Variants in ADNP2 observed in about 807,000 individuals in gnomAD.
ADNP2 encodes ADNP homeobox 2.
Under a neutral mutation model 16.4 loss-of-function variants are expected in ADNP2, and 8 were observed. The observed-to-expected ratio is 0.49, with a 90% CI of 0.29 to 0.88. The LOEUF (loss-of-function observed/expected upper bound fraction) is 0.88, where lower values mean the gene tolerates loss of function less well. Ranked by LOEUF, ADNP2 falls within the 40% of genes least tolerant of loss-of-function variation. The pLI is 0.09. For missense variants in ADNP2, 1,397 were observed against 1,395.1 expected (o/e 1.00, Z -0.02); for synonymous variants, 637 against 545.8 (o/e 1.17, Z -2.33).
In ADNP2 at chr18:80,137,280, A is replaced by T; in HGVS notation, c.1867A>T (p.Thr623Ser). 6.2e-7 allele frequency: 1 copy of T among 1,613,946 alleles called. No individual in the cohort carries two copies. The highest frequency in any genetic ancestry group is 8.5e-7 in the Non-Finnish European group (1 of 1,180,002). ...CTACACGCTGGCCCCCGTGTCTGTCACTCTGCCGGTTCCCCCTGGAGGCCT... is the reference window on the plus strand; with the variant it reads ...CTACACGCTGGCCCCCGTGTCTGTCTCTCTGCCGGTTCCCCCTGGAGGCCT... ...PTYTLAPVSV[T>S]LPVPPGGLAT... Residue 623 changes from threonine to serine, a missense_variant, in exon 4 of 4, where the codon ACT (threonine) becomes TCT (serine). By Grantham distance (58) the Thr-to-Ser change is moderately conservative. This residue lies in a region of ADNP2 where 611 missense variants were observed against 648.7 expected (regional missense o/e 0.94). Coordinates refer to ENST00000262198, the MANE Select transcript of ADNP2 (RefSeq NM_014913.4). The surrounding 1 kb of genome is among the most constrained non-coding windows in gnomAD (Gnocchi z 4.2).
At position 80,137,439 on chromosome 18, in the gene ADNP2, GCCT is replaced by G. The variant is rs780382375; in HGVS notation, c.2034_2036del (p.Ser679del). The G allele has an allele frequency of 1.2e-5, 19 of 1,614,050 alleles. No individual in the cohort carries two copies. In the Middle Eastern group the frequency reaches 4.9e-4, roughly 42 times the overall value. On this transcript the variant is annotated inframe_deletion, in exon 4 of 4. Transcript: ENST00000262198. This position sits in a 1 kb window ranked among gnomAD's most constrained non-coding sequence, Gnocchi z 4.2. ...TGCTGCTCAGAGCGTGTTTGTTCAG[GCCT>G]CCTCCTCTGCAGCAGACACAAACCA...
chr18:80,119,059 T>C (rs2052407416), intron 2 of ADNP2, among the ~76,000 whole-genome samples: 1 of 152,208 alleles, frequency 6.6e-6, no homozygotes, highest in African/African-American at 2.4e-5. Flanking sequence ...ATTAACGTTG[T>C]TATATATCTA....
intron 1 of ADNP2, among the ~76,000 whole-genome samples, chr18:80,110,783 T>G (rs2052352420): frequency 1.3e-5 from 2 of 152,124 alleles, no homozygotes; most frequent in South Asian, 4.1e-4. Context: ...TCCTTAAACA[T>G]GAAGTGACAG....
chr18:80,119,054 CG>C lies in ADNP2; in HGVS notation c.108+1405del, dbSNP rs1380354974. 7.9e-5 allele frequency among the ~76,000 whole-genome samples: 12 copies of C among 152,206 alleles called. No homozygotes were observed. In the East Asian group the frequency reaches 2.3e-3, roughly 29 times the overall value. ...ATTACCCTGAAATATCCAGAATTAA[CG>C]TTGTTATATATCTATAGATTTTTAA... is the stretch of plus-strand genomic sequence containing the variant. On this transcript the variant is annotated intron_variant, in intron 2 of 3. Transcript: ENST00000262198.
In ADNP2 at chr18:80,129,680, A is replaced by G. The variant is rs115434974; in HGVS notation, c.109-3423A>G. On this transcript the variant is annotated intron_variant, in intron 2 of 3. Transcript: ENST00000262198. ...TGGGCTAGAATATATATGATGTTCT[A>G]TGCTTCTTGTGTCACTTCAGGGACC... Among the ~76,000 whole-genome samples, 374 of 152,318 alleles carry G rather than the reference A, an allele frequency of 2.5e-3. 2 individuals carry two copies. The highest frequency in any genetic ancestry group is 8.6e-3 in the African/African-American group (357 of 41,566).
In ADNP2 at chr18:80,136,939, T is replaced by C. The variant is rs897103151; in HGVS notation, c.1526T>C (p.Ile509Thr). ...GGCCAGACAGCCCCATTGAGGGTTA[T>C]CTCTGCAGGCCAGGTGGTCCCGTCT... ...PPGQTAPLRV[I>T]SAGQVVPSGL... The change falls in exon 4 of 4, where the codon ATC becomes ACC. Residue 509 changes from isoleucine (I) to threonine (T), a missense_variant. Ile to Thr is a moderately conservative substitution (Grantham distance 89, BLOSUM62 -1). Transcript: ENST00000262198. 6.2e-7 allele frequency: 1 copy of C among 1,613,900 alleles called. No homozygotes were observed. Among genetic ancestry groups the C allele is most frequent in the Non-Finnish European group, 8.5e-7 (1 of 1,179,830 alleles).
chr18:80,136,461 C>T lies in ADNP2; in HGVS notation c.1048C>T (p.Pro350Ser). ...CCAGAACAGCCTCACCCTGCAGCCCCCAGCACCTCAGCCCGTCTTTCTTTC... is the reference window on the plus strand; with the variant it reads ...CCAGAACAGCCTCACCCTGCAGCCCTCAGCACCTCAGCCCGTCTTTCTTTC... ...VGQNSLTLQP[P>S]APQPVFLSHG... Residue 350 changes from proline (P) to serine (S), a missense_variant, in exon 4 of 4, where the codon CCA becomes TCA. This residue lies in a region of ADNP2 where 777 missense variants were observed against 719.4 expected (regional missense o/e 1.08). Coordinates refer to ENST00000262198, the MANE Select transcript of ADNP2 (RefSeq NM_014913.4). The T allele has an allele frequency of 6.2e-7, 1 of 1,614,244 alleles. No individual in the cohort carries two copies. Among genetic ancestry groups the T allele is most frequent in the Non-Finnish European group, 8.5e-7 (1 of 1,180,050 alleles).
In ADNP2 at chr18:80,136,023, G is replaced by A; in HGVS notation, c.610G>A (p.Val204Ile). Reference protein sequence around the residue: ...MGEQPKTNDTVSIEKIPPPDK... With the variant: ...MGEQPKTNDTISIEKIPPPDK... ...TGAGCAACCGAAAACTAACGATACTGTTTCTATAGAGAAGATCCCACCACC... is the reference window on the plus strand; with the variant it reads ...TGAGCAACCGAAAACTAACGATACTATTTCTATAGAGAAGATCCCACCACC... Residue 204 changes from valine to isoleucine, a missense_variant, in exon 4 of 4, where the codon GTT (valine) becomes ATT (isoleucine). Val to Ile is a conservative substitution (Grantham distance 29, BLOSUM62 3). Coordinates refer to ENST00000262198, the MANE Select transcript of ADNP2 (RefSeq NM_014913.4). 6.2e-7 allele frequency: 1 copy of A among 1,614,208 alleles called. No homozygotes were observed. Among genetic ancestry groups the A allele is most frequent in the Non-Finnish European group, 8.5e-7 (1 of 1,180,036 alleles).
rs560749072 is a variant in ADNP2 at position 80,136,810 on chromosome 18, T to C, written c.1397T>C (p.Ile466Thr). 5 of 1,613,996 alleles carry C rather than the reference T, an allele frequency of 3.1e-6. No homozygotes were observed. The highest frequency in any genetic ancestry group is 1.1e-5 in the South Asian group (1 of 91,074). ...GGCCAGATGACTCCTGCAGGGGTTA[T>C]CCCTGGGCAAACAGCAACTTCTGGG... ...PAGQMTPAGVIPGQTATSGVL... is the reference protein window; with the variant it reads ...PAGQMTPAGVTPGQTATSGVL... The change falls in exon 4 of 4, where the codon ATC becomes ACC. Residue 466 changes from isoleucine (I) to threonine (T), a missense_variant. Physicochemically the swap from Ile to Thr is moderately conservative, Grantham distance 89. Coordinates refer to ENST00000262198, the MANE Select transcript of ADNP2 (RefSeq NM_014913.4).
At chr18:80,129,598 GCTT>G (rs2052483295) in intron 2 of ADNP2, among the ~76,000 whole-genome samples, 1 of 152,106 alleles carries the variant, frequency 6.6e-6, no homozygotes, top group Admixed American at 6.5e-5. Context: ...TGTCCCCTGA[GCTT>G]CTTTTAAATG....
chr18:80,117,775 C>T, intron 2 of ADNP2, 125 bp downstream of exon 2: 1 of 657,768 alleles, frequency 1.5e-6, no homozygotes, highest in South Asian at 1.9e-5. Flanking sequence ...GTGAAAGCCT[C>T]ATTAGTACTT....
rs767063091 is a variant in ADNP2, at chr18:80,138,483, A to C, written c.3070A>C (p.Ser1024Arg). 1.9e-6 allele frequency: 3 copies of C among 1,614,060 alleles called. No homozygotes were observed. In the African/African-American group the frequency reaches 4.0e-5, roughly 22 times the overall value. ...GCCTTTTAAAAGACAAAGGAATGAA[A>C]GCAGAACAGAGGGACCTATTGTCAA... ...VVPFKRQRNESRTEGPIVKDE... is the reference protein window; with the variant it reads ...VVPFKRQRNERRTEGPIVKDE... Residue 1024 changes from serine to arginine, a missense_variant, in exon 4 of 4, where the codon AGC becomes CGC. By Grantham distance (110) the Ser-to-Arg change is moderately radical. Around this residue, in one of 3 missense-constraint regions of ADNP2, gnomAD observed 611 missense variants for 648.7 expected, o/e 0.94. Transcript: ENST00000262198.
chr18:80,127,339 GTTTTTT>G (rs35560770), intron 2 of ADNP2, among the ~76,000 whole-genome samples: 5 of 102,180 alleles, frequency 4.9e-5, no homozygotes, highest in South Asian at 3.5e-4. Flanking sequence ...GGTTTTTTCA[GTTTTTT>G]TTTTTTTTTT....
At chr18:80,124,554 A>C (rs1436801397) in intron 2 of ADNP2, among the ~76,000 whole-genome samples, 1 of 152,234 alleles carries the variant, frequency 6.6e-6, no homozygotes, top group Non-Finnish European at 1.5e-5. Context: ...TCAACCCTCC[A>C]GGAACCTCCA....
chr18:80,116,307 G>A (rs1423110902), intron 1 of ADNP2, among the ~76,000 whole-genome samples: 1 of 152,158 alleles, frequency 6.6e-6, no homozygotes, highest in Admixed American at 6.5e-5. Flanking sequence ...CATTTGGTTT[G>A]TTTACACATT....
At position 80,136,497 on chromosome 18, in the gene ADNP2, C is replaced by A. The variant is rs767209537; in HGVS notation, c.1084C>A (p.Pro362Thr). Residue 362 changes from proline (P) to threonine (T), a missense_variant, in exon 4 of 4, where the codon CCA becomes ACA. Physicochemically the swap from Pro to Thr is conservative, Grantham distance 38. Coordinates refer to ENST00000262198, the MANE Select transcript of ADNP2 (RefSeq NM_014913.4). Reference protein sequence around the residue: ...PQPVFLSHGVPLHQSVNPPVL... With the variant: ...PQPVFLSHGVTLHQSVNPPVL... Reference sequence around the variant, plus strand: ...GCCCGTCTTTCTTTCTCACGGGGTTCCACTTCATCAGTCTGTGAATCCTCC... The same window carrying A: ...GCCCGTCTTTCTTTCTCACGGGGTTACACTTCATCAGTCTGTGAATCCTCC... 1.2e-5 allele frequency: 19 copies of A among 1,614,064 alleles called. No homozygotes were observed. The highest frequency in any genetic ancestry group is 8.5e-7 in the Non-Finnish European group (1 of 1,180,044).
At chr18:80,113,766 G>A (rs914404775) in intron 1 of ADNP2, among the ~76,000 whole-genome samples, 2 of 152,198 alleles carry the variant, frequency 1.3e-5, no homozygotes, top group Non-Finnish European at 2.9e-5. Context: ...GCAACATGGT[G>A]AGTCGAGTGC....
chr18:80,110,686 T>C (rs2052351838), intron 1 of ADNP2, among the ~76,000 whole-genome samples: 1 of 151,940 alleles, frequency 6.6e-6, no homozygotes, highest in African/African-American at 2.4e-5. Flanking sequence ...TCTTGGAGAG[T>C]TGGCCATGTA....
rs1452925933 is a variant in ADNP2, at chr18:80,136,161, G to A, written c.748G>A (p.Val250Met). The change falls in exon 4 of 4, where the codon GTG (valine) becomes ATG (methionine). Residue 250 changes from valine to methionine, a missense_variant. Transcript: ENST00000262198. ...AGATTTGGAGAATAAGCTTAGATCT[G>A]TGATTTCAGAACATATTAAGAGGAC... ...HRDLENKLRS[V>M]ISEHIKRTGL... 5 of 1,614,136 alleles carry A rather than the reference G, an allele frequency of 3.1e-6. No individual in the cohort carries two copies. In the Admixed American group the frequency reaches 5.0e-5, roughly 16 times the overall value.
Sources: allele counts gnomAD v4.1 joint callset (sites outside exome capture counted in the v4.1 genomes callset), GRCh38; gene constraint gnomAD v4.1.1; regional missense constraint gnomAD v4.1.1; non-coding constraint Gnocchi (gnomAD v3.1); transcripts MANE v1.5; gene names NCBI Gene and HGNC (gene_info 2026-07-23, HGNC 2026-07-21).